NTM: variants seen among roughly 807,000 people sequenced by gnomAD.
The protein encoded by NTM is neurotrimin, also known as IgLON family member 2.
In NTM, 13 loss-of-function variants were observed where a neutral mutation model predicts 42.1. That is an observed-to-expected ratio of 0.31 (90% CI 0.20 to 0.49). NTM has a LOEUF of 0.49. NTM is among the 20% of genes least tolerant of loss of function. The pLI, the probability that NTM is intolerant of heterozygous loss-of-function variation, is 0.99. For synonymous variants in NTM, 187 were observed against 179.2 expected (o/e 1.04, Z -0.35); for missense variants, 373 against 452.8 (o/e 0.82, Z 1.60).
At chr11:132,153,659 A>G (rs905374452) in intron 3 of NTM, among the ~76,000 whole-genome samples, 4 of 152,134 alleles carry the variant, frequency 2.6e-5, no homozygotes, top group African/African-American at 9.7e-5. Context: ...GCTTCTTAGG[A>G]CATAGGGAGT....
intron 4 of NTM, among the ~76,000 whole-genome samples, chr11:132,259,636 C>T (rs1482578063): frequency 5.9e-5 from 9 of 151,866 alleles, no homozygotes; most frequent in African/African-American, 1.9e-4. Flanking sequence ...GCTGAGATTG[C>T]GCCACTGCAC....
intron 1 of NTM, among the ~76,000 whole-genome samples, chr11:131,904,041 C>CA (rs1369425385): frequency 6.6e-6 from 1 of 152,110 alleles, no homozygotes; most frequent in African/African-American, 2.4e-5. Flanking sequence ...AACTAGAACT[C>CA]AGGTCTTCTG....
At chr11:131,753,135 A>G (rs2082794767) in intron 1 of NTM, among the ~76,000 whole-genome samples, 1 of 152,138 alleles carries the variant, frequency 6.6e-6, no homozygotes, top group Non-Finnish European at 1.5e-5. Context: ...AAAACACATG[A>G]AAAAATGCTC....
intron 1 of NTM, among the ~76,000 whole-genome samples, chr11:131,700,216 G>T (rs950301241): frequency 1.3e-5 from 2 of 152,016 alleles, no homozygotes; most frequent in African/African-American, 4.8e-5. Flanking sequence ...GTCTTTCTTG[G>T]CCAGAGATTC....
At chr11:131,682,251 G>A (rs2073081047) in intron 1 of NTM, among the ~76,000 whole-genome samples, 1 of 152,206 alleles carries the variant, frequency 6.6e-6, no homozygotes, top group Non-Finnish European at 1.5e-5. Flanking sequence ...CTGTATAGCT[G>A]AGGAGCCTCT....
chr11:132,050,173 A>G (rs58795), intron 2 of NTM, among the ~76,000 whole-genome samples: 49,810 of 152,008 alleles, frequency 0.33, 8,978 homozygotes, highest in East Asian at 0.8. Context: ...AGGGTGAGGT[A>G]GGAGGGATGA....
intron 1 of NTM, among the ~76,000 whole-genome samples, chr11:131,475,298 T>C (rs1952813022): frequency 6.6e-6 from 1 of 152,198 alleles, no homozygotes; most frequent in South Asian, 2.1e-4. Context: ...TTTAAAATTA[T>C]TTCATTATAG....
intron 1 of NTM, among the ~76,000 whole-genome samples, chr11:131,418,119 G>T (rs1160109365): frequency 1.3e-5 from 2 of 152,188 alleles, no homozygotes; most frequent in Admixed American, 1.3e-4. Context: ...TTTGTCTTAG[G>T]TTCAGCTAGG....
chr11:132,253,629 G>A (rs73597233), intron 4 of NTM, among the ~76,000 whole-genome samples: 2,705 of 152,262 alleles, frequency 0.018, 67 homozygotes, highest in African/African-American at 0.061. Context: ...TCTGTAGAAA[G>A]TAAAATGACT....
At chr11:131,711,988 G>T (rs1340926166) in intron 1 of NTM, among the ~76,000 whole-genome samples, 1 of 109,572 alleles carries the variant, frequency 9.1e-6, no homozygotes, top group Non-Finnish European at 1.8e-5. Flanking sequence ...GTGGTGGGGT[G>T]GGGGGAGGGG....
At chr11:131,784,706 G>A (rs1269659141) in intron 1 of NTM, among the ~76,000 whole-genome samples, 1 of 152,178 alleles carries the variant, frequency 6.6e-6, no homozygotes, top group East Asian at 1.9e-4. Context: ...ACACACATAT[G>A]TGTAATTGTA....
intron 2 of NTM, among the ~76,000 whole-genome samples, chr11:131,954,625 A>G (rs1337400502): frequency 8.1e-6 from 1 of 122,898 alleles, no homozygotes; most frequent in Non-Finnish European, 1.8e-5. Context: ...AATTTTATAG[A>G]ATACTTTTTT....
chr11:132,327,215 A>G lies in NTM; in HGVS notation c.935-2938A>G, dbSNP rs576321049. Among the ~76,000 whole-genome samples, 13 of 152,318 alleles carry G rather than the reference A, an allele frequency of 8.5e-5. No individual in the cohort carries two copies. The South Asian group carries it at 2.1e-3, about 24-fold the overall frequency. ...TGTACTCAGGCCACTGTGCAAACTCAGCGGCTCCGTGGCTGTTCATTTTCC... is the reference window on the plus strand; with the variant it reads ...TGTACTCAGGCCACTGTGCAAACTCGGCGGCTCCGTGGCTGTTCATTTTCC... On this transcript the variant is annotated intron_variant, in intron 7 of 8. Coordinates refer to ENST00000683400, the MANE Select transcript of NTM (RefSeq NM_001352005.2).
intron 2 of NTM, among the ~76,000 whole-genome samples, chr11:131,988,327 T>G (rs76146443): frequency 6.6e-6 from 1 of 152,230 alleles, no homozygotes; most frequent in Non-Finnish European, 1.5e-5. Context: ...TGATTAAATA[T>G]TAACCTTTCC....
intron 1 of NTM, among the ~76,000 whole-genome samples, chr11:131,870,119 G>A (rs931774709): frequency 2.0e-5 from 3 of 152,182 alleles, no homozygotes; most frequent in African/African-American, 7.2e-5. Context: ...TGCTTTTATC[G>A]AGTCCATTTT....
At chr11:132,111,327 C>T (rs913855882) in intron 2 of NTM, among the ~76,000 whole-genome samples, 18 of 151,148 alleles carry the variant, frequency 1.2e-4, no homozygotes, top group African/African-American at 4.4e-4. Context: ...TTCTTGATTC[C>T]TTGACTTTTT....
intron 1 of NTM, among the ~76,000 whole-genome samples, chr11:131,512,684 C>T (rs775372115): frequency 1.3e-5 from 2 of 152,190 alleles, no homozygotes; most frequent in African/African-American, 4.8e-5. Context: ...CAGAGCAGGC[C>T]GTGGAATCCT....
At chr11:132,289,574 A>G (rs929232708) in intron 4 of NTM, among the ~76,000 whole-genome samples, 1 of 152,170 alleles carries the variant, frequency 6.6e-6, no homozygotes, top group East Asian at 1.9e-4. Context: ...ACCCCCTGCC[A>G]TAACCTTAAT....
intron 7 of NTM, 186 bp downstream of exon 7, chr11:132,314,889 G>T (rs1049458493): frequency 7.4e-7 from 1 of 1,352,358 alleles, no homozygotes. Context: ...CAGGGAGGAG[G>T]CAGACAGAAA....
Sources: gnomAD v4.1 joint callset for allele counts (sites outside exome capture counted in the v4.1 genomes callset) on GRCh38, gnomAD v4.1.1 for gene constraint, MANE v1.5 for transcripts, NCBI Gene and HGNC (gene_info 2026-07-23, HGNC 2026-07-21) for gene names.